Variants in MIPOL1 observed in about 807,000 individuals in gnomAD.
MIPOL1 encodes mirror-image polydactyly gene 1 protein.
Under a neutral mutation model 60.9 loss-of-function variants are expected in MIPOL1, and 57 were observed. The ratio of observed to expected loss-of-function variants is 0.94; its 90% confidence interval spans 0.76 to 1.17. The LOEUF is 1.17. MIPOL1 is among the 50% of genes most tolerant of loss of function. The pLI is 0.00. For missense variants in MIPOL1, 551 were observed against 511.6 expected (o/e 1.08, Z -0.74); for synonymous variants, 179 against 168.8 (o/e 1.06, Z -0.47).
At position 37,227,930 on chromosome 14, in the gene MIPOL1, A is replaced by G. The variant is rs192845650; in HGVS notation, c.-198-19173A>G. The G allele has an allele frequency of 5.6e-4, 85 of 152,248 alleles. 1 individual carries two copies. Among genetic ancestry groups the G allele is most frequent in the African/African-American group, 2.0e-3 (85 of 41,540 alleles). 9.4% of individuals were successfully genotyped at this position (152,248 alleles called of 1,614,324 possible). ...AATATAAATAAGGCTAGGAAATATGATTTTCCTGCACATTTAATAGGAACT... is the reference window on the plus strand; with the variant it reads ...AATATAAATAAGGCTAGGAAATATGGTTTTCCTGCACATTTAATAGGAACT... On this transcript the variant is annotated intron_variant, in intron 1 of 12. Coordinates refer to ENST00000684589, the MANE Select transcript of MIPOL1 (RefSeq NM_001388067.1).
At chr14:37,471,247 A>G (rs1013038039) in intron 11 of MIPOL1, among the ~76,000 whole-genome samples, 6 of 152,246 alleles carry the variant, frequency 3.9e-5, no homozygotes, top group African/African-American at 1.4e-4. Context: ...ACCAGGTCCA[A>G]GAGAAATCCC....
chr14:37,324,911 A>G (rs984884987), intron 9 of MIPOL1, among the ~76,000 whole-genome samples: 5 of 152,094 alleles, frequency 3.3e-5, no homozygotes, highest in Admixed American at 2.0e-4. Context: ...CTATTTATCT[A>G]TCTTTATGCT....
chr14:37,267,671 G>A (rs2082982629), intron 4 of MIPOL1, among the ~76,000 whole-genome samples: 1 of 152,014 alleles, frequency 6.6e-6, no homozygotes, highest in Non-Finnish European at 1.5e-5. Flanking sequence ...TTAACTAAGT[G>A]AAAAAGCACA....
chr14:37,532,965 G>C (rs186887053), intron 12 of MIPOL1, among the ~76,000 whole-genome samples: 1 of 152,110 alleles, frequency 6.6e-6, no homozygotes, highest in East Asian at 1.9e-4. Context: ...TACAAAAAAA[G>C]TGTATATGTT....
intron 1 of MIPOL1, among the ~76,000 whole-genome samples, chr14:37,225,394 C>T (rs1969536623): frequency 6.6e-6 from 1 of 152,224 alleles, no homozygotes; most frequent in African/African-American, 2.4e-5. Context: ...CATTTCCGTA[C>T]ATCCTCTGAA....
In MIPOL1 at chr14:37,550,010, TAAG is replaced by T. The variant is rs1433615970; in HGVS notation, c.*3040_*3042del. On this transcript the variant is annotated 3_prime_UTR_variant, in exon 13 of 13. Transcript: ENST00000684589. ...AAAGTTATTGGTTATAAGCAAGGTA[TAAG>T]CAGTTAAAGCAAAGTTATTAATTAT... 6.6e-6 allele frequency: 1 copy of T among 151,942 alleles called. No individual in the cohort carries two copies. The highest frequency in any genetic ancestry group is 1.5e-5 in the Non-Finnish European group (1 of 67,854). The allele number at this position is 151,942 out of a possible 1,614,324, so 9.4% of individuals were successfully genotyped here. A position where few individuals can be genotyped will look rare whatever the true frequency, so the allele number is the denominator to read the frequency against.
At chr14:37,366,852 T>C (rs1482679662) in intron 9 of MIPOL1, among the ~76,000 whole-genome samples, 1 of 152,132 alleles carries the variant, frequency 6.6e-6, no homozygotes, top group Non-Finnish European at 1.5e-5. Context: ...TGCATATATA[T>C]TTAAAATTGC....
At chr14:37,238,891 T>C (rs560620243) in intron 1 of MIPOL1, among the ~76,000 whole-genome samples, 15 of 151,924 alleles carry the variant, frequency 9.9e-5, no homozygotes, top group African/African-American at 3.6e-4. Flanking sequence ...AGCTGGAGGT[T>C]GCAGTGAGCC....
chr14:37,217,865 A>T (rs917823688), intron 1 of MIPOL1, among the ~76,000 whole-genome samples: 4 of 152,192 alleles, frequency 2.6e-5, no homozygotes, highest in Non-Finnish European at 5.9e-5. Flanking sequence ...CTGTTATTCA[A>T]CATAGTACTG....
intron 7 of MIPOL1, among the ~76,000 whole-genome samples, chr14:37,297,489 G>A (rs1366477561): frequency 1.3e-5 from 2 of 152,034 alleles, no homozygotes; most frequent in African/African-American, 4.8e-5. Flanking sequence ...AAAGGGCATT[G>A]AATTAGGAAA....
intron 4 of MIPOL1, 129 bp from the exon 5 acceptor site, chr14:37,268,528 GC>G (rs2083049846): frequency 1.5e-6 from 1 of 662,824 alleles, no homozygotes; most frequent in African/African-American, 1.9e-5. Context: ...CAAAAAAACA[GC>G]CCATCTCTTT....
chr14:37,549,099 T>C lies in MIPOL1; in HGVS notation c.*2128T>C, dbSNP rs1447524895. 1.3e-5 allele frequency: 2 copies of C among 151,906 alleles called. No individual in the cohort carries two copies. The highest frequency in any genetic ancestry group is 3.9e-4 in the East Asian group (2 of 5,190). The allele number at this position is 151,906 out of a possible 1,614,324, so 9.4% of individuals were successfully genotyped here. A position where few individuals can be genotyped will look rare whatever the true frequency, so the allele number is the denominator to read the frequency against. The stretch of plus-strand genomic sequence containing the variant: ...CAGTGTGTCAGATGGTCTTTATATA[T>C]TTTTTCTGTATGAAGGAATAGCCTT... On this transcript the variant is annotated 3_prime_UTR_variant, in exon 13 of 13. Coordinates refer to ENST00000684589, the MANE Select transcript of MIPOL1 (RefSeq NM_001388067.1).
At chr14:37,278,148 G>A (rs1027030237) in intron 6 of MIPOL1, 1 of 151,558 alleles carries the variant, frequency 6.6e-6, no homozygotes, top group Admixed American at 6.6e-5. Flanking sequence ...AGAAGTTCTG[G>A]AGTAATAAGT....
At chr14:37,496,254 C>G (rs1351797189) in intron 11 of MIPOL1, among the ~76,000 whole-genome samples, 2 of 133,352 alleles carry the variant, frequency 1.5e-5, no homozygotes, top group Admixed American at 7.9e-5. Context: ...ACAGGGATGC[C>G]CTCTCTCACC....
At chr14:37,272,534 T>C (rs2083371079) in intron 6 of MIPOL1, among the ~76,000 whole-genome samples, 1 of 151,592 alleles carries the variant, frequency 6.6e-6, no homozygotes, top group Non-Finnish European at 1.5e-5. Context: ...TTGTCTTAAA[T>C]AAACTTATTT....
Position 37,534,654 on chromosome 14 carries a change from A to G in MIPOL1, c.1263-12251A>G, listed in dbSNP as rs76904102. The stretch of plus-strand genomic sequence containing the variant: ...TGGGAATGTTACATATGATTTAAAT[A>G]TCCCCTGAGAGACAAAGTGAAGGAG... On this transcript the variant is annotated intron_variant, in intron 12 of 12. Transcript: ENST00000684589. Among the ~76,000 whole-genome samples, 450 of 152,302 alleles carry G rather than the reference A, an allele frequency of 3.0e-3. 3 individuals carry two copies. Among genetic ancestry groups the G allele is most frequent in the African/African-American group, 0.01 (419 of 41,572 alleles).
intron 11 of MIPOL1, among the ~76,000 whole-genome samples, chr14:37,427,389 T>C (rs950479205): frequency 6.6e-6 from 1 of 151,978 alleles, no homozygotes; most frequent in African/African-American, 2.4e-5. Context: ...GAAAATAAAA[T>C]AGAGGTTACC....
In MIPOL1 at chr14:37,408,006, C is replaced by T. The variant is rs544548451; in HGVS notation, c.937-14849C>T. Among the ~76,000 whole-genome samples the T allele has an allele frequency of 1.8e-4, 27 of 151,108 alleles. No individual in the cohort carries two copies. In the South Asian group the frequency reaches 2.3e-3, roughly 13 times the overall value. On this transcript the variant is annotated intron_variant, in intron 10 of 12. Coordinates refer to ENST00000684589, the MANE Select transcript of MIPOL1 (RefSeq NM_001388067.1). ...CTGAAACTACAGGTGTGCACCACCACGCCTGGCTAATTTTTTATTTATTTA... is the reference window on the plus strand; with the variant it reads ...CTGAAACTACAGGTGTGCACCACCATGCCTGGCTAATTTTTTATTTATTTA...
At chr14:37,390,292 T>G (rs1211300722) in intron 10 of MIPOL1, among the ~76,000 whole-genome samples, 4 of 152,038 alleles carry the variant, frequency 2.6e-5, no homozygotes, top group Non-Finnish European at 5.9e-5. Flanking sequence ...TTAATTAAAA[T>G]GATCAGCCCC....
Sources: allele counts gnomAD v4.1 joint callset (sites outside exome capture counted in the v4.1 genomes callset), GRCh38; gene constraint gnomAD v4.1.1; transcripts MANE v1.5; gene names NCBI Gene and HGNC (gene_info 2026-07-23, HGNC 2026-07-21).